Variants in SREBF1 observed in about 807,000 individuals in gnomAD.
SREBF1 encodes the protein sterol regulatory element-binding protein 1.
SREBF1 carries 45 observed loss-of-function variants against 100.1 expected under a neutral mutation model. The ratio of observed to expected loss-of-function variants is 0.45; its 90% CI spans 0.35 to 0.58. SREBF1 has a LOEUF of 0.58. SREBF1 is among the 20% of genes least tolerant of loss of function. SREBF1 has a pLI of 0.00. For synonymous variants in SREBF1, 657 were observed against 681.8 expected (o/e 0.96, Z 0.57); for missense variants, 1,324 against 1,539.4 (o/e 0.86, Z 2.34).
At chr17:17,815,611 C>T (rs1598114430) in intron 12 of SREBF1, 4 of 601,290 alleles carry the variant, frequency 6.7e-6, no homozygotes, top group Non-Finnish European at 1.2e-5. Flanking sequence ...CCTTACTCCA[C>T]AGCGGCACTG....
At chr17:17,816,828 G>A (rs1011918304) in intron 9 of SREBF1, 110 bp from the exon 10 acceptor site, 1 of 1,581,858 alleles carries the variant, frequency 6.3e-7, no homozygotes, top group Non-Finnish European at 8.6e-7. Flanking sequence ...GTCTGCGGAT[G>A]CGTGGCTAGG....
chr17:17,832,930 C>CA (rs2034957681), intron 1 of SREBF1, among the ~76,000 whole-genome samples: 1 of 144,948 alleles, frequency 6.9e-6, no homozygotes, highest in East Asian at 2.1e-4. Context: ...CAAAAACAAA[C>CA]AAACAAAAAA....
intron 15 of SREBF1, 67 bp from the exon 16 acceptor site, chr17:17,814,477 C>A: frequency 1.3e-6 from 2 of 1,543,198 alleles, no homozygotes; most frequent in Non-Finnish European, 1.7e-6. Flanking sequence ...GTGCCCCCCA[C>A]TTCCCTGGCT....
At chr17:17,831,559 T>C (rs543762144) in intron 1 of SREBF1, among the ~76,000 whole-genome samples, 13 of 152,316 alleles carry the variant, frequency 8.5e-5, no homozygotes, top group African/African-American at 3.1e-4. Flanking sequence ...TTCCAGGCTC[T>C]TGGCCAGAAC....
At position 17,820,339 on chromosome 17, in the gene SREBF1, C is replaced by T; in HGVS notation, c.274G>A (p.Ala92Thr). ...GGAGGGGACAGGGGTGAGGGCGCTG[C>T]CTGCGGCCCGCTCAGGAAGGCTTCA... Reference protein sequence around the residue: ...SLEAFLSGPQAAPSPLSPPQP... With the variant: ...SLEAFLSGPQTAPSPLSPPQP... Residue 92 changes from alanine to threonine, a missense_variant, in exon 2 of 19, where the codon GCA becomes ACA. By Grantham distance (58) the Ala-to-Thr change is moderately conservative. Coordinates refer to ENST00000261646, the MANE Select transcript of SREBF1 (RefSeq NM_004176.5). 1 of 1,613,180 alleles carries T rather than the reference C, an allele frequency of 6.2e-7. No individual in the cohort carries two copies. Among genetic ancestry groups the T allele is most frequent in the Non-Finnish European group, 8.5e-7 (1 of 1,179,492 alleles).
At chr17:17,815,368 C>G (rs927119897) in intron 12 of SREBF1, 39 bp from the exon 13 acceptor site, 2 of 1,530,502 alleles carry the variant, frequency 1.3e-6, no homozygotes, top group African/African-American at 2.7e-5. Context: ...GGGAGCAGGG[C>G]CCCACCCTCC....
At position 17,817,313 on chromosome 17, in the gene SREBF1, C is replaced by G. The variant is rs748720804; in HGVS notation, c.1549G>C (p.Asp517His). Residue 517 changes from aspartate (D) to histidine (H), a missense_variant, in exon 8 of 19, where the codon GAT becomes CAT. Asp to His is a moderately conservative substitution (Grantham distance 81). Transcript: ENST00000261646. This position sits in a 1 kb window ranked among gnomAD's most constrained non-coding sequence, Gnocchi z 6.6. ...GGGCTATGGTAGACGCTGGTGGTAT[C>G]TGAGGGGCTGGGAAGCCCCCGGGCC... ...LGARGLPSPSDTTSVYHSPGR... is the reference protein window; with the variant it reads ...LGARGLPSPSHTTSVYHSPGR... The G allele has an allele frequency of 1.2e-6, 2 of 1,606,434 alleles. No individual in the cohort carries two copies. Among genetic ancestry groups the G allele is most frequent in the South Asian group, 2.2e-5 (2 of 89,924 alleles).
chr17:17,831,118 G>C (rs1255718205), intron 1 of SREBF1, among the ~76,000 whole-genome samples: 1 of 36,114 alleles, frequency 2.8e-5, no homozygotes, highest in Non-Finnish European at 8.9e-5. Flanking sequence ...TGGAGCACTA[G>C]GGAGCCATGA....
intron 1 of SREBF1, among the ~76,000 whole-genome samples, chr17:17,830,483 C>T (rs999841025): frequency 7.9e-5 from 12 of 152,250 alleles, no homozygotes; most frequent in African/African-American, 2.7e-4. Context: ...GGTTCTTGGA[C>T]TTGTCCAAGG....
intron 1 of SREBF1, among the ~76,000 whole-genome samples, chr17:17,833,515 GCAGGAA>G (rs1375752173): frequency 1.4e-5 from 2 of 147,344 alleles, no homozygotes; most frequent in Admixed American, 6.8e-5. Flanking sequence ...GGGGCTGGGA[GCAGGAA>G]CAGGAACTGA....
At chr17:17,829,205 A>AAAAAAAAAAAAAAAAAAAT (rs1210718799) in intron 1 of SREBF1, among the ~76,000 whole-genome samples, 2 of 65,850 alleles carry the variant, frequency 3.0e-5, no homozygotes, top group African/African-American at 1.8e-4. Context: ...AAAAAAAAAA[A>AAAAAAAAAAAAAAAAAAAT]ATATATATAT....
Position 17,820,260 on chromosome 17 carries a change from G to C in SREBF1, c.353C>G (p.Pro118Arg). ...TGACTCTTCCTTGATACCAGGCCCA[G>C]GGGAGAAAGCGGGCATGGACGGGTA... The part of the protein sequence containing the change: ...KMYPSMPAFS[P>R]GPGIKEESVP... Residue 118 changes from proline (P) to arginine (R), a missense_variant, in exon 2 of 19, where the codon CCT becomes CGT. Pro to Arg is a moderately radical substitution (Grantham distance 103, BLOSUM62 -2). Coordinates refer to ENST00000261646, the MANE Select transcript of SREBF1 (RefSeq NM_004176.5). The C allele has an allele frequency of 1.2e-6, 2 of 1,613,918 alleles. No homozygotes were observed. Among genetic ancestry groups the C allele is most frequent in the Non-Finnish European group, 8.5e-7 (1 of 1,179,996 alleles).
Position 17,816,525 on chromosome 17 carries a change from A to T in SREBF1, c.1979T>A (p.Val660Glu). 1 of 1,602,866 alleles carries T rather than the reference A, an allele frequency of 6.2e-7. No homozygotes were observed. The highest frequency in any genetic ancestry group is 8.5e-7 in the Non-Finnish European group (1 of 1,175,774). ...GTCTCGGGCGCTGGCGCTAGCATCCACTCGCAGAGCACAGTCCTGCTGCAG... is the reference window on the plus strand; with the variant it reads ...GTCTCGGGCGCTGGCGCTAGCATCCTCTCGCAGAGCACAGTCCTGCTGCAG... Reference protein sequence around the residue: ...GGLQQDCALRVDASASARDAA... With the variant: ...GGLQQDCALREDASASARDAA... Residue 660 changes from valine to glutamate, a missense_variant, in exon 10 of 19, where the codon GTG becomes GAG. Val to Glu is a moderately radical substitution (Grantham distance 121). Transcript: ENST00000261646.
rs1240438777 is a variant in SREBF1 at position 17,817,340 on chromosome 17, C to A, written c.1522G>T (p.Gly508Trp). The change falls in exon 8 of 19, where the codon GGG becomes TGG. Residue 508 changes from glycine to tryptophan, a missense_variant. By Grantham distance (184) the Gly-to-Trp change is radical (BLOSUM62 -2). Coordinates refer to ENST00000261646, the MANE Select transcript of SREBF1 (RefSeq NM_004176.5). This position sits in a 1 kb window ranked among gnomAD's most constrained non-coding sequence, Gnocchi z 6.6. ...GAGGGGCTGGGAAGCCCCCGGGCCC[C>A]CAGCAAGGAGGCCAAGGGGTTGCAG... Reference protein sequence around the residue: ...LSCNPLASLLGARGLPSPSDT... With the variant: ...LSCNPLASLLWARGLPSPSDT... 1.2e-6 allele frequency: 2 copies of A among 1,607,010 alleles called. No homozygotes were observed. The highest frequency in any genetic ancestry group is 1.7e-6 in the Non-Finnish European group (2 of 1,177,792).
chr17:17,830,326 G>A (rs1281876059), intron 1 of SREBF1, among the ~76,000 whole-genome samples: 1 of 152,236 alleles, frequency 6.6e-6, no homozygotes, highest in African/African-American at 2.4e-5. Flanking sequence ...ACTGCATCTG[G>A]CTAAATGGTG....
Position 17,819,720 on chromosome 17 carries a change from G to T in SREBF1, c.529C>A (p.Pro177Thr). Residue 177 changes from proline to threonine, a missense_variant, in exon 3 of 19, where the codon CCT becomes ACT. Transcript: ENST00000261646. ...SPPGGFSTGS[P>T]PGNTQQPLPG... Reference sequence around the variant, plus strand: ...AGCGGCTGCTGGGTGTTCCCGGGAGGGCTTCCTGCAGAAATAAAGCATGGG... The same window carrying T: ...AGCGGCTGCTGGGTGTTCCCGGGAGTGCTTCCTGCAGAAATAAAGCATGGG... 1 of 1,602,004 alleles carries T rather than the reference G, an allele frequency of 6.2e-7. No individual in the cohort carries two copies.
At chr17:17,815,569 G>A (rs957981878) in intron 12 of SREBF1, 14 of 594,412 alleles carry the variant, frequency 2.4e-5, no homozygotes, top group African/African-American at 3.7e-5. Flanking sequence ...AAGGAAAACC[G>A]ACTTGAGAAG....
At chr17:17,829,211 T>A (rs1386074512) in intron 1 of SREBF1, among the ~76,000 whole-genome samples, 2,706 of 33,232 alleles carry the variant, frequency 0.081, 77 homozygotes, top group Admixed American at 0.13. Flanking sequence ...AAAAAATATA[T>A]ATATATATAT....
chr17:17,829,205 A>AAATATATATATATATATATATATATAT (rs1210718799), intron 1 of SREBF1, among the ~76,000 whole-genome samples: 1 of 65,874 alleles, frequency 1.5e-5, no homozygotes, highest in African/African-American at 8.8e-5. Flanking sequence ...AAAAAAAAAA[A>AAATATATATATATATATATATATATAT]ATATATATAT....
Sources: allele counts gnomAD v4.1 joint callset (sites outside exome capture counted in the v4.1 genomes callset), GRCh38; gene constraint gnomAD v4.1.1; non-coding constraint Gnocchi (gnomAD v3.1); transcripts MANE v1.5; gene names NCBI Gene and HGNC (gene_info 2026-07-23, HGNC 2026-07-21).